Variants in WWTR1 observed in about 807,000 individuals in gnomAD.
The protein encoded by WWTR1 is WW domain containing transcription regulator 1.
WWTR1 carries 13 observed loss-of-function variants against 40.1 expected under a neutral mutation model. The observed-to-expected ratio is 0.32, with a 90% CI of 0.21 to 0.52. WWTR1 has a LOEUF of 0.52. Ranked by LOEUF, WWTR1 falls within the 20% of genes least tolerant of loss-of-function variation. WWTR1 has a pLI of 0.97. For synonymous variants in WWTR1, 230 were observed against 210.1 expected, an observed-to-expected ratio of 1.09 and a Z score of -0.82; for missense variants, 436 against 523.1, an observed-to-expected ratio of 0.83 and a Z score of 1.63.
chr3:149,685,230 T>C (rs546777821), intron 1 of WWTR1, among the ~76,000 whole-genome samples: 1 of 152,274 alleles, frequency 6.6e-6, no homozygotes, highest in African/African-American at 2.4e-5. Flanking sequence ...ATTTAGAGTC[T>C]CTCTCCCGAG....
At chr3:149,693,225 T>C (rs1377599321) in intron 1 of WWTR1, among the ~76,000 whole-genome samples, 2 of 152,142 alleles carry the variant, frequency 1.3e-5, no homozygotes, top group Non-Finnish European at 2.9e-5. Context: ...TAATATCCCA[T>C]GTACAATAAC....
intron 4 of WWTR1, among the ~76,000 whole-genome samples, chr3:149,536,483 G>A (rs1055173173): frequency 1.2e-4 from 14 of 119,932 alleles, no homozygotes; most frequent in African/African-American, 5.8e-4. Context: ...AAAAAAAAAA[G>A]GGGGGGGCCT....
intron 3 of WWTR1, among the ~76,000 whole-genome samples, chr3:149,557,545 A>G (rs1403821500): frequency 2.0e-5 from 3 of 152,186 alleles, no homozygotes; most frequent in Non-Finnish European, 4.4e-5. Flanking sequence ...ATAACAGAGC[A>G]TATTATCTTC....
intron 2 of WWTR1, among the ~76,000 whole-genome samples, chr3:149,590,159 A>G (rs1560074539): frequency 6.6e-6 from 1 of 152,158 alleles, no homozygotes; most frequent in Non-Finnish European, 1.5e-5. Context: ...TGCTACTTAT[A>G]TTCCTAATAA....
chr3:149,520,844 A>G lies in WWTR1; in HGVS notation c.1164T>C (p.Ser388=). The G allele has an allele frequency of 6.2e-7, 1 of 1,611,784 alleles. No individual in the cohort carries two copies. ...DLIPLFNDVE[S]ALNKSEPFLT... ...GAAAGGGCTCACTTTTGTTCAGAGC[A>G]GACTCTACATCATTGAAGAGGGGGA... is the stretch of plus-strand genomic sequence containing the variant. The change falls in exon 7 of 7, where the codon TCT becomes TCC. Residue 388 remains serine (S), a synonymous_variant. Transcript: ENST00000360632.
intron 1 of WWTR1, among the ~76,000 whole-genome samples, chr3:149,696,713 C>T (rs13069399): frequency 0.092 from 14,018 of 152,222 alleles, 831 homozygotes; most frequent in African/African-American, 0.16. Flanking sequence ...TATGGGTTCT[C>T]CCCTGTGGCA....
chr3:149,556,318 T>G (rs929733467), intron 3 of WWTR1, among the ~76,000 whole-genome samples: 4 of 152,182 alleles, frequency 2.6e-5, no homozygotes, highest in Non-Finnish European at 1.5e-5. Context: ...CAGGGGCTCA[T>G]GCCTGTAATC....
At chr3:149,527,742 C>G in intron 5 of WWTR1, 94 bp downstream of exon 5, 1 of 1,568,884 alleles carries the variant, frequency 6.4e-7, no homozygotes, top group African/African-American at 1.4e-5. Context: ...CCCTCAAGCT[C>G]CCCACCTCTT....
intron 4 of WWTR1, among the ~76,000 whole-genome samples, chr3:149,538,958 A>G (rs550203070): frequency 6.6e-6 from 1 of 152,378 alleles, no homozygotes; most frequent in East Asian, 1.9e-4. Flanking sequence ...ATGAAGAGAT[A>G]AAGGAATGAA....
intron 5 of WWTR1, among the ~76,000 whole-genome samples, chr3:149,713,103 G>A (rs114988739): frequency 1.3e-5 from 2 of 152,136 alleles, no homozygotes; most frequent in Admixed American, 1.3e-4. Flanking sequence ...GAGAGAAAAG[G>A]TAATACTCAG....
At chr3:149,593,059 C>A (rs1560075936) in intron 2 of WWTR1, among the ~76,000 whole-genome samples, 2 of 152,174 alleles carry the variant, frequency 1.3e-5, no homozygotes, top group Non-Finnish European at 2.9e-5. Flanking sequence ...CACCCAGATA[C>A]CGACTGCAGG....
rs182471428 is a variant in WWTR1 at position 149,608,589 on chromosome 3, A to T, written c.432-35589T>A. Among the ~76,000 whole-genome samples, 1,255 of 152,074 alleles carry T rather than the reference A, an allele frequency of 8.3e-3. 18 individuals are homozygous for T. Among genetic ancestry groups the T allele is most frequent in the Non-Finnish European group, 0.014 (966 of 67,946 alleles). The stretch of plus-strand genomic sequence containing the variant: ...TTTTAGTAGAGATGGGGGTTTCACC[A>T]TACTGGCCAGGCTGGTTTCGAACTC... On this transcript the variant is annotated intron_variant, in intron 2 of 6. Transcript: ENST00000360632.
chr3:149,632,867 A>C (rs116611914), intron 2 of WWTR1, among the ~76,000 whole-genome samples: 154 of 152,306 alleles, frequency 1.0e-3, no homozygotes, highest in African/African-American at 3.6e-3. Flanking sequence ...ACAGAGACAT[A>C]AAGTGGATTA....
At chr3:149,590,261 G>C (rs575441527) in intron 2 of WWTR1, among the ~76,000 whole-genome samples, 2 of 152,168 alleles carry the variant, frequency 1.3e-5, no homozygotes, top group African/African-American at 4.8e-5. Flanking sequence ...GTTAATGTCT[G>C]ATAATAATAG....
At chr3:149,606,456 TA>T (rs1395617729) in intron 2 of WWTR1, among the ~76,000 whole-genome samples, 2 of 152,084 alleles carry the variant, frequency 1.3e-5, no homozygotes, top group Admixed American at 6.6e-5. Context: ...ATCTAGTCAG[TA>T]AACATTATAA....
upstream of WWTR1, among the ~76,000 whole-genome samples, chr3:149,660,948 A>G (rs1439319833): frequency 6.6e-6 from 1 of 152,180 alleles, no homozygotes; most frequent in Non-Finnish European, 1.5e-5. Context: ...GCCCAGCCTC[A>G]TGTTATTTAT....
chr3:149,564,487 CTTT>C (rs11311722), intron 3 of WWTR1, among the ~76,000 whole-genome samples: 4 of 143,444 alleles, frequency 2.8e-5, no homozygotes, highest in Admixed American at 6.9e-5. Flanking sequence ...TGTTCTCACT[CTTT>C]TTTTTTTTTT....
chr3:149,678,693 A>T (rs528067742), intron 1 of WWTR1, among the ~76,000 whole-genome samples: 22 of 152,234 alleles, frequency 1.4e-4, no homozygotes, highest in African/African-American at 5.3e-4. Context: ...CATCTACCAA[A>T]TTCTATCTCC....
chr3:149,549,415 C>A (rs1736514617), intron 3 of WWTR1, among the ~76,000 whole-genome samples: 1 of 152,144 alleles, frequency 6.6e-6, no homozygotes, highest in Admixed American at 6.5e-5. Context: ...AAATATCAGA[C>A]AAATTTCAAT....
Sources: allele counts gnomAD v4.1 joint callset (sites outside exome capture counted in the v4.1 genomes callset), GRCh38; gene constraint gnomAD v4.1.1; transcripts MANE v1.5; gene names NCBI Gene and HGNC (gene_info 2026-07-23, HGNC 2026-07-21).